SPAG16: variants seen among roughly 807,000 people sequenced by gnomAD.
SPAG16 encodes sperm associated antigen 16, also known as sperm-associated antigen 16 protein.
A neutral mutation model predicts 80.4 loss-of-function variants in SPAG16; 86 were observed. That is an observed-to-expected ratio of 1.07 (90% CI 0.90 to 1.28). The LOEUF is 1.28. SPAG16 is among the 50% of genes most tolerant of loss of function. SPAG16 has a pLI of 0.00. For missense variants in SPAG16, 870 were observed against 765.3 expected, an observed-to-expected ratio of 1.14 and a Z score of -1.61; for synonymous variants, 294 against 265.9, an observed-to-expected ratio of 1.11 and a Z score of -1.03.
At chr2:213,609,052 G>T (rs927624331) in intron 10 of SPAG16, among the ~76,000 whole-genome samples, 2 of 152,284 alleles carry the variant, frequency 1.3e-5, no homozygotes, top group Non-Finnish European at 2.9e-5. Flanking sequence ...TCTTTTAAAA[G>T]ATCTCTATAA....
intron 10 of SPAG16, among the ~76,000 whole-genome samples, chr2:213,717,110 G>C (rs1358670682): frequency 6.6e-6 from 1 of 150,874 alleles, no homozygotes; most frequent in African/African-American, 2.4e-5. Context: ...TCTTTCTGCT[G>C]TACTCGCTCC....
At chr2:213,537,813 T>C (rs1049489305) in intron 10 of SPAG16, among the ~76,000 whole-genome samples, 1 of 152,228 alleles carries the variant, frequency 6.6e-6, no homozygotes, top group African/African-American at 2.4e-5. Flanking sequence ...ACTTCTCTGA[T>C]GTTTCGGTCA....
At chr2:214,107,243 TA>T (rs1437332794) in intron 13 of SPAG16, among the ~76,000 whole-genome samples, 1 of 152,148 alleles carries the variant, frequency 6.6e-6, no homozygotes, top group African/African-American at 2.4e-5. Context: ...TCCACTAGAA[TA>T]TAAGGTCCGT....
chr2:213,908,495 C>T (rs956239471), intron 11 of SPAG16, among the ~76,000 whole-genome samples: 4 of 152,136 alleles, frequency 2.6e-5, no homozygotes, highest in Non-Finnish European at 4.4e-5. Flanking sequence ...GTTCAGTCTC[C>T]CTCTGTGATC....
chr2:214,217,724 A>G (rs972915386), intron 15 of SPAG16, among the ~76,000 whole-genome samples: 2 of 152,228 alleles, frequency 1.3e-5, no homozygotes, highest in Non-Finnish European at 2.9e-5. Flanking sequence ...TTCTCATCTG[A>G]AAATGAGGAT....
chr2:213,348,112 A>G (rs143360944), intron 6 of SPAG16, among the ~76,000 whole-genome samples: 3,623 of 152,050 alleles, frequency 0.024, 61 homozygotes, highest in African/African-American at 0.039. Context: ...AGCTCTTGTC[A>G]AATTGATCCC....
At chr2:213,971,319 T>C (rs2045038559) in intron 12 of SPAG16, among the ~76,000 whole-genome samples, 1 of 152,132 alleles carries the variant, frequency 6.6e-6, no homozygotes, top group African/African-American at 2.4e-5. Context: ...TACCTCTACA[T>C]TGAATGAATG....
intron 10 of SPAG16, among the ~76,000 whole-genome samples, chr2:213,703,918 A>G (rs1375831637): frequency 1.3e-5 from 2 of 152,256 alleles, no homozygotes; most frequent in East Asian, 3.9e-4. Flanking sequence ...ATTACCTTCC[A>G]AGATATTTTG....
intron 10 of SPAG16, among the ~76,000 whole-genome samples, chr2:213,838,324 A>G (rs2074200299): frequency 6.6e-6 from 1 of 152,108 alleles, no homozygotes; most frequent in South Asian, 2.1e-4. Flanking sequence ...GGCATGCGCC[A>G]CCACTCCCAG....
intron 10 of SPAG16, among the ~76,000 whole-genome samples, chr2:213,806,688 A>C (rs969452471): frequency 5.9e-5 from 9 of 152,192 alleles, no homozygotes; most frequent in African/African-American, 2.2e-4. Flanking sequence ...CATTATGCAC[A>C]TGCTGAGTAC....
At chr2:213,869,334 C>T (rs997969038) in intron 11 of SPAG16, among the ~76,000 whole-genome samples, 2 of 131,872 alleles carry the variant, frequency 1.5e-5, no homozygotes, top group African/African-American at 5.3e-5. Context: ...ACATGCAAAA[C>T]TTTTTATTTG....
intron 10 of SPAG16, among the ~76,000 whole-genome samples, chr2:213,577,456 A>G (rs1042840095): frequency 3.3e-5 from 5 of 151,966 alleles, no homozygotes; most frequent in African/African-American, 1.2e-4. Context: ...ATATTTTTCC[A>G]GTCCCGTTTC....
chr2:213,723,262 C>T (rs1574943760), intron 10 of SPAG16, among the ~76,000 whole-genome samples: 1 of 152,052 alleles, frequency 6.6e-6, no homozygotes, highest in Admixed American at 6.6e-5. Context: ...ATGTGGCTGG[C>T]CAGCTTAGCC....
intron 10 of SPAG16, among the ~76,000 whole-genome samples, chr2:213,730,728 G>T (rs967071101): frequency 2.6e-5 from 4 of 152,158 alleles, no homozygotes; most frequent in Non-Finnish European, 4.4e-5. Flanking sequence ...TTTGGAGGAA[G>T]TTCTAGCCAT....
chr2:213,856,298 C>A (rs1023616308), intron 10 of SPAG16, among the ~76,000 whole-genome samples: 1 of 152,130 alleles, frequency 6.6e-6, no homozygotes, highest in East Asian at 1.9e-4. Context: ...GCAGCTCCAC[C>A]CCTGTGGCTT....
chr2:213,353,551 A>T (rs929129796), intron 7 of SPAG16, among the ~76,000 whole-genome samples: 1 of 152,208 alleles, frequency 6.6e-6, no homozygotes, highest in Non-Finnish European at 1.5e-5. Flanking sequence ...AACAGCAAGT[A>T]TACTTATATT....
chr2:213,897,331 C>T (rs1420171711), intron 11 of SPAG16, among the ~76,000 whole-genome samples: 1 of 152,120 alleles, frequency 6.6e-6, no homozygotes, highest in African/African-American at 2.4e-5. Flanking sequence ...CTTCAACCTT[C>T]AATAAGTATA....
chr2:214,345,533 G>A (rs1268765434), intron 15 of SPAG16, among the ~76,000 whole-genome samples: 1 of 151,922 alleles, frequency 6.6e-6, no homozygotes, highest in East Asian at 1.9e-4. Flanking sequence ...TAAACTATCT[G>A]CTCTATTTAA....
chr2:213,600,586 T>C (rs2061028022), intron 10 of SPAG16, among the ~76,000 whole-genome samples: 1 of 152,240 alleles, frequency 6.6e-6, no homozygotes. Flanking sequence ...ATCTTTCAGT[T>C]ACCAACTTTC....
Sources: gnomAD v4.1 joint callset for allele counts (sites outside exome capture counted in the v4.1 genomes callset) on GRCh38, gnomAD v4.1.1 for gene constraint, MANE v1.5 for transcripts, NCBI Gene and HGNC (gene_info 2026-07-23, HGNC 2026-07-21) for gene names.